The following SLC1A2 variants were observed in gnomAD, a reference collection of about 807,000 sequenced individuals.
The protein encoded by SLC1A2 is excitatory amino acid transporter 2.
A neutral mutation model predicts 48.8 loss-of-function variants in SLC1A2; 15 were observed. The observed-to-expected ratio is 0.31, with a 90% CI of 0.21 to 0.47. The LOEUF (loss-of-function observed/expected upper bound fraction) is 0.47, where lower values mean the gene tolerates loss of function less well. Among genes scored for constraint, SLC1A2 ranks in the 20% least tolerant of loss-of-function variants. The pLI is 0.99. For synonymous variants in SLC1A2, 279 were observed against 272.6 expected, an observed-to-expected ratio of 1.02 and a Z score of -0.23; for missense variants, 502 against 730.5, an observed-to-expected ratio of 0.69 and a Z score of 3.61.
At chr11:35,325,894 G>A (rs1453878081) in intron 1 of SLC1A2, among the ~76,000 whole-genome samples, 3 of 150,992 alleles carry the variant, frequency 2.0e-5, no homozygotes, top group East Asian at 3.9e-4. Context: ...AACCCAGGAG[G>A]TGGAGGTTGC....
chr11:35,289,704 T>G (rs1421127505), intron 7 of SLC1A2, among the ~76,000 whole-genome samples: 2 of 152,250 alleles, frequency 1.3e-5, no homozygotes, highest in African/African-American at 4.8e-5. Flanking sequence ...CATATTGTAT[T>G]AACTTGGAGA....
chr11:35,254,775 C>A lies in SLC1A2; in HGVS notation c.*6119G>T. The A allele has an allele frequency of 4.4e-6, 2 of 456,054 alleles. No individual in the cohort carries two copies. Among genetic ancestry groups the A allele is most frequent in the Non-Finnish European group, 4.4e-6 (1 of 226,892 alleles). The allele number at this position is 456,054 out of a possible 1,614,324, so 28.3% of individuals were successfully genotyped here. The stretch of plus-strand genomic sequence containing the variant: ...CTCTACAAAGCAGTGAGGTCTGTTC[C>A]AATAGCTGGTTTTATTCTCAGCACA... On this transcript the variant is annotated 3_prime_UTR_variant, in exon 11 of 11. Transcript: ENST00000278379.
At chr11:35,411,161 T>C (rs1590290501) in intron 1 of SLC1A2, among the ~76,000 whole-genome samples, 1 of 152,208 alleles carries the variant, frequency 6.6e-6, no homozygotes, top group Non-Finnish European at 1.5e-5. Flanking sequence ...CCTGGGAAAA[T>C]AGATTCAGTC....
chr11:35,309,626 T>A (rs3843609), intron 4 of SLC1A2, among the ~76,000 whole-genome samples: 2 of 151,964 alleles, frequency 1.3e-5, no homozygotes, highest in Non-Finnish European at 2.9e-5. Context: ...CTCTTTACAT[T>A]TCTGTTTCTA....
intron 9 of SLC1A2, among the ~76,000 whole-genome samples, chr11:35,277,184 A>G (rs1034876285): frequency 1.3e-5 from 2 of 152,196 alleles, no homozygotes; most frequent in Non-Finnish European, 2.9e-5. Flanking sequence ...GACTGGACAA[A>G]TATTCAAACC....
chr11:35,290,349 A>G (rs1319278467), intron 7 of SLC1A2, among the ~76,000 whole-genome samples: 1 of 152,212 alleles, frequency 6.6e-6, no homozygotes, highest in South Asian at 2.1e-4. Context: ...TGTAGTACAT[A>G]CAGTGCATTA....
At position 35,302,364 on chromosome 11, in the gene SLC1A2, A is replaced by T. The variant is rs527484511; in HGVS notation, c.731-719T>A. ...TTTTAATTTTATTTATTTTTTCAGG[A>T]TCATAAAGACAGAATATAGATTCAC... On this transcript the variant is annotated intron_variant, in intron 5 of 10. Coordinates refer to ENST00000278379, the MANE Select transcript of SLC1A2 (RefSeq NM_004171.4). Among the ~76,000 whole-genome samples the T allele has an allele frequency of 1.9e-3, 295 of 152,222 alleles. 1 individual carries two copies. Among genetic ancestry groups the T allele is most frequent in the African/African-American group, 6.9e-3 (285 of 41,534 alleles).
At chr11:35,306,498 G>A (rs1851510818) in intron 4 of SLC1A2, among the ~76,000 whole-genome samples, 1 of 152,142 alleles carries the variant, frequency 6.6e-6, no homozygotes, top group Admixed American at 6.5e-5. Context: ...AATTTATGGG[G>A]TACATGATAA....
At chr11:35,360,957 C>T (rs772903171) in intron 1 of SLC1A2, among the ~76,000 whole-genome samples, 29 of 152,036 alleles carry the variant, frequency 1.9e-4, no homozygotes, top group Admixed American at 5.2e-4. Flanking sequence ...CCCACTGCAA[C>T]GTCCACCTCC....
chr11:35,254,691 G>A lies in SLC1A2; in HGVS notation c.*6203C>T, dbSNP rs1461965983. 1 of 439,436 alleles carries A rather than the reference G, an allele frequency of 2.3e-6. No individual in the cohort carries two copies. Among genetic ancestry groups the A allele is most frequent in the Admixed American group, 2.6e-5 (1 of 38,368 alleles). 27.2% of individuals were successfully genotyped at this position (439,436 alleles called of 1,614,324 possible). ...GGTTTCAACACTCACCCAAGGATTG[G>A]GGGTGTCTCCAGAGAAACTGAGGAC... On this transcript the variant is annotated 3_prime_UTR_variant, in exon 11 of 11. Coordinates refer to ENST00000278379, the MANE Select transcript of SLC1A2 (RefSeq NM_004171.4).
chr11:35,292,655 AT>A, intron 6 of SLC1A2, 135 bp from the exon 7 acceptor site: 2 of 595,080 alleles, frequency 3.4e-6, no homozygotes, highest in South Asian at 4.7e-5. Context: ...AGAAAAGTTC[AT>A]GTTATTTTTT....
In SLC1A2 at chr11:35,297,699, C is replaced by T. The variant is rs981293065; in HGVS notation, c.857+3820G>A. On this transcript the variant is annotated intron_variant, in intron 6 of 10. Coordinates refer to ENST00000278379, the MANE Select transcript of SLC1A2 (RefSeq NM_004171.4). ...AGAAAATGAGGATACGAAAATCATA[C>T]AAAAATTAAGGGGTTTTCAGGTTTC... The T allele has an allele frequency of 2.6e-5, 4 of 151,956 alleles. No individual in the cohort carries two copies. In the East Asian group the frequency reaches 5.8e-4, roughly 22 times the overall value. 9.4% of individuals were successfully genotyped at this position (151,956 alleles called of 1,614,324 possible).
intron 9 of SLC1A2, among the ~76,000 whole-genome samples, chr11:35,273,775 C>A (rs1850355478): frequency 6.6e-6 from 1 of 152,162 alleles, no homozygotes; most frequent in Non-Finnish European, 1.5e-5. Flanking sequence ...AATGGGGAGG[C>A]TGGTATGTGG....
intron 1 of SLC1A2, among the ~76,000 whole-genome samples, chr11:35,359,185 C>G (rs1320442): frequency 0.18 from 27,215 of 152,074 alleles, 3,129 homozygotes; most frequent in African/African-American, 0.31. Context: ...GGCAGAGCTG[C>G]AATTCATGAA....
intron 1 of SLC1A2, among the ~76,000 whole-genome samples, chr11:35,383,792 C>T (rs932266068): frequency 6.6e-6 from 1 of 152,204 alleles, no homozygotes; most frequent in African/African-American, 2.4e-5. Flanking sequence ...GTCTGGCTTA[C>T]AGTAGATGCT....
At chr11:35,413,541 A>G (rs960885925) in intron 1 of SLC1A2, 1 of 152,186 alleles carries the variant, frequency 6.6e-6, no homozygotes, top group Admixed American at 6.5e-5. Context: ...TTGTCATCAG[A>G]TCTCCCAATT....
intron 1 of SLC1A2, among the ~76,000 whole-genome samples, chr11:35,346,145 T>A (rs1237115407): frequency 6.6e-6 from 1 of 152,112 alleles, no homozygotes; most frequent in African/African-American, 2.4e-5. Flanking sequence ...GCCATGGTGG[T>A]TTGCTGCACC....
intron 1 of SLC1A2, among the ~76,000 whole-genome samples, chr11:35,369,581 T>C (rs993733059): frequency 6.6e-6 from 1 of 152,222 alleles, no homozygotes; most frequent in Non-Finnish European, 1.5e-5. Flanking sequence ...TACCAAAGCA[T>C]TGTCCCACAC....
chr11:35,295,130 C>T (rs1851131414), intron 6 of SLC1A2, among the ~76,000 whole-genome samples: 1 of 152,118 alleles, frequency 6.6e-6, no homozygotes, highest in African/African-American at 2.4e-5. Flanking sequence ...TTGCTGTAAC[C>T]TTGACCTCCT....
Sources: allele counts gnomAD v4.1 joint callset (sites outside exome capture counted in the v4.1 genomes callset), GRCh38; gene constraint gnomAD v4.1.1; transcripts MANE v1.5; gene names NCBI Gene and HGNC (gene_info 2026-07-23, HGNC 2026-07-21).